ITFG1: variants seen among roughly 807,000 people sequenced by gnomAD.
The protein encoded by ITFG1 is integrin alpha FG-GAP repeat containing 1, also known as T-cell immunomodulatory protein.
Under a neutral mutation model 81.8 loss-of-function variants are expected in ITFG1, and 34 were observed. That is an observed-to-expected ratio of 0.42 (90% CI 0.32 to 0.55). The LOEUF is 0.55. Ranked by LOEUF, ITFG1 falls within the 20% of genes least tolerant of loss-of-function variation. The pLI, the probability that ITFG1 is intolerant of heterozygous loss-of-function variation, is 0.17. For synonymous variants in ITFG1, 285 were observed against 270.6 expected (o/e 1.05, Z -0.52); for missense variants, 672 against 755.4 (o/e 0.89, Z 1.29).
chr16:47,235,536 G>A (rs1193476252), intron 13 of ITFG1, among the ~76,000 whole-genome samples: 2 of 152,174 alleles, frequency 1.3e-5, no homozygotes, highest in Middle Eastern at 3.2e-3. Context: ...ACACTCTGAA[G>A]TTTTCAAAAT....
intron 14 of ITFG1, among the ~76,000 whole-genome samples, chr16:47,181,552 G>T (rs1402953454): frequency 1.4e-4 from 14 of 97,086 alleles, no homozygotes; most frequent in Admixed American, 1.1e-3. Context: ...GCAGGGAGGT[G>T]GGGGGGGGTC....
chr16:47,422,618 T>A (rs1401593781), intron 6 of ITFG1, among the ~76,000 whole-genome samples: 3 of 152,222 alleles, frequency 2.0e-5, no homozygotes, highest in Non-Finnish European at 4.4e-5. Context: ...GTCCGTCTAG[T>A]CCTGGACTTT....
chr16:47,370,041 C>T lies in ITFG1; in HGVS notation c.721-4172G>A, dbSNP rs117838388. Among the ~76,000 whole-genome samples, 649 of 151,962 alleles carry T rather than the reference C, an allele frequency of 4.3e-3. 6 individuals carry two copies. The highest frequency in any genetic ancestry group is 8.0e-3 in the Non-Finnish European group (543 of 67,952). ...GTTTTTAGTACGGACGGGGTTTCAC[C>T]GTGTTAACCAGGATGGTCTTAATCT... On this transcript the variant is annotated intron_variant, in intron 7 of 17. Transcript: ENST00000320640.
intron 10 of ITFG1, among the ~76,000 whole-genome samples, chr16:47,308,385 C>A (rs998714190): frequency 6.6e-6 from 1 of 152,118 alleles, no homozygotes; most frequent in African/African-American, 2.4e-5. Flanking sequence ...AACCTCCATG[C>A]CTTTTGAAAA....
chr16:47,437,750 C>A (rs536002217), intron 5 of ITFG1, among the ~76,000 whole-genome samples: 3 of 152,212 alleles, frequency 2.0e-5, no homozygotes, highest in Non-Finnish European at 4.4e-5. Flanking sequence ...ACGGCTCCAG[C>A]CTACAGCTCC....
chr16:47,212,095 G>GACT (rs1453165829), intron 14 of ITFG1, among the ~76,000 whole-genome samples: 1 of 151,746 alleles, frequency 6.6e-6, no homozygotes, highest in African/African-American at 2.4e-5. Context: ...TATTCATGAG[G>GACT]ACTATCTGTC....
At chr16:47,316,652 T>C (rs972490451) in intron 8 of ITFG1, among the ~76,000 whole-genome samples, 2 of 152,250 alleles carry the variant, frequency 1.3e-5, no homozygotes, top group African/African-American at 4.8e-5. Flanking sequence ...TGTTACTTAA[T>C]AGCCTCCTTT....
At chr16:47,256,789 A>G (rs1165126949) in intron 12 of ITFG1, among the ~76,000 whole-genome samples, 1 of 152,202 alleles carries the variant, frequency 6.6e-6, no homozygotes, top group Non-Finnish European at 1.5e-5. Flanking sequence ...AAATCTCAAC[A>G]CTAATACGTT....
chr16:47,187,307 A>T (rs1037637086), intron 14 of ITFG1, among the ~76,000 whole-genome samples: 1 of 152,210 alleles, frequency 6.6e-6, no homozygotes, highest in Non-Finnish European at 1.5e-5. Context: ...TCGCCAAGTC[A>T]ATCCTAAGCC....
rs550196270 is a variant in ITFG1, at chr16:47,398,605, C to T, written c.656-22665G>A. On this transcript the variant is annotated intron_variant, in intron 6 of 17. Transcript: ENST00000320640. ...AAATATTAAACTTGATTTAAGTTTCCTTTCCTGTTCTTCTCTCTAAAAATA... is the reference window on the plus strand; with the variant it reads ...AAATATTAAACTTGATTTAAGTTTCTTTTCCTGTTCTTCTCTCTAAAAATA... Among the ~76,000 whole-genome samples, 3 of 152,250 alleles carry T rather than the reference C, an allele frequency of 2.0e-5. No homozygotes were observed. The South Asian group carries it at 6.2e-4, about 32-fold the overall frequency.
chr16:47,291,660 G>T (rs1340096842), intron 10 of ITFG1, among the ~76,000 whole-genome samples: 2 of 151,346 alleles, frequency 1.3e-5, no homozygotes. Flanking sequence ...TTTTATCTCT[G>T]TCTGGGTAAT....
intron 10 of ITFG1, 136 bp from the exon 11 acceptor site, chr16:47,260,831 G>C: frequency 1.1e-6 from 1 of 949,164 alleles, no homozygotes; most frequent in Middle Eastern, 2.2e-4. Flanking sequence ...CACATTTTTT[G>C]TTTATAGTAC....
At position 47,240,100 on chromosome 16, in the gene ITFG1, T is replaced by C. The variant is rs1324788936; in HGVS notation, c.1331-2092A>G. 3.4e-5 allele frequency among the ~76,000 whole-genome samples: 5 copies of C among 147,062 alleles called. No homozygotes were observed. In the Admixed American group the frequency reaches 3.4e-4, roughly 10 times the overall value. Reference sequence around the variant, plus strand: ...TGAGCTCAGGAGTTTGAGACCAGCCTGGACAACATGGAGAAACCCTGTCTA... The same window carrying C: ...TGAGCTCAGGAGTTTGAGACCAGCCCGGACAACATGGAGAAACCCTGTCTA... On this transcript the variant is annotated intron_variant, in intron 12 of 17. Coordinates refer to ENST00000320640, the MANE Select transcript of ITFG1 (RefSeq NM_030790.5).
At chr16:47,335,455 G>A (rs995348922) in intron 8 of ITFG1, among the ~76,000 whole-genome samples, 4 of 152,044 alleles carry the variant, frequency 2.6e-5, no homozygotes, top group South Asian at 4.1e-4. Context: ...GCAGAGTGGA[G>A]AATAAAAGAA....
intron 5 of ITFG1, among the ~76,000 whole-genome samples, chr16:47,430,120 C>T (rs1374395569): frequency 6.2e-5 from 9 of 145,050 alleles, no homozygotes; most frequent in Non-Finnish European, 1.0e-4. Context: ...TGCAGTGGTG[C>T]GATTTCCGCT....
chr16:47,223,993 C>T (rs949139529), intron 13 of ITFG1, among the ~76,000 whole-genome samples: 13 of 145,020 alleles, frequency 9.0e-5, no homozygotes, highest in Admixed American at 2.2e-4. Context: ...CATAGTCTCA[C>T]TCATAGGTGG....
At chr16:47,250,839 T>C (rs577610872) in intron 12 of ITFG1, among the ~76,000 whole-genome samples, 16 of 152,268 alleles carry the variant, frequency 1.1e-4, no homozygotes, top group African/African-American at 3.1e-4. Flanking sequence ...CAGCAGCTCA[T>C]TGGGAAACCT....
intron 14 of ITFG1, among the ~76,000 whole-genome samples, chr16:47,167,335 G>A (rs965643531): frequency 6.6e-6 from 1 of 152,148 alleles, no homozygotes; most frequent in Non-Finnish European, 1.5e-5. Flanking sequence ...CTGAAGTAAC[G>A]GAAGAATCAC....
intron 12 of ITFG1, among the ~76,000 whole-genome samples, chr16:47,241,814 C>T (rs995695875): frequency 3.9e-5 from 6 of 152,016 alleles, no homozygotes; most frequent in African/African-American, 7.2e-5. Flanking sequence ...ATTAGCTGGG[C>T]GTGGAGGCAG....
Sources: allele counts gnomAD v4.1 joint callset (sites outside exome capture counted in the v4.1 genomes callset), GRCh38; gene constraint gnomAD v4.1.1; transcripts MANE v1.5; gene names NCBI Gene and HGNC (gene_info 2026-07-23, HGNC 2026-07-21).